Variants in SPIRE1 observed in about 807,000 individuals in gnomAD.
SPIRE1 encodes protein spire homolog 1.
A neutral mutation model predicts 94.1 loss-of-function variants in SPIRE1; 40 were observed. The observed-to-expected ratio is 0.43, with a 90% CI of 0.33 to 0.55. The LOEUF (loss-of-function observed/expected upper bound fraction) is 0.55, where lower values mean the gene tolerates loss of function less well. Among genes scored for constraint, SPIRE1 ranks in the 20% least tolerant of loss-of-function variants. The pLI is 0.06. For synonymous variants in SPIRE1, 376 were observed against 371.7 expected (o/e 1.01, Z -0.13); for missense variants, 838 against 975.2 (o/e 0.86, Z 1.87).
At position 12,450,833 on chromosome 18, in the gene SPIRE1, C is replaced by T. The variant is rs776406745; in HGVS notation, c.2013-937G>A. On this transcript the variant is annotated intron_variant, in intron 16 of 16. Transcript: ENST00000409402. ...CATGGCAAAAAAGCTGGGTGAGATG[C>T]GGAATAACTTAAATGACAGTGAAAA... 1.0e-4 allele frequency: 74 copies of T among 732,786 alleles called. No homozygotes were observed. In the African/African-American group the frequency reaches 1.1e-3, roughly 11 times the overall value. 45.4% of individuals were successfully genotyped at this position (732,786 alleles called of 1,614,324 possible).
intron 7 of SPIRE1, among the ~76,000 whole-genome samples, chr18:12,495,462 C>T (rs528991139): frequency 6.6e-6 from 1 of 152,132 alleles, no homozygotes; most frequent in Non-Finnish European, 1.5e-5. Context: ...ACAGGACTAT[C>T]CAGTAATATA....
At chr18:12,460,785 ATTCT>A (rs1337929720) in intron 12 of SPIRE1, among the ~76,000 whole-genome samples, 1 of 152,188 alleles carries the variant, frequency 6.6e-6, no homozygotes, top group African/African-American at 2.4e-5. Context: ...ATACAAAATG[ATTCT>A]TTGTTTTCTA....
chr18:12,517,979 T>C (rs893279352), intron 4 of SPIRE1, among the ~76,000 whole-genome samples: 7 of 152,192 alleles, frequency 4.6e-5, no homozygotes, highest in African/African-American at 9.7e-5. Flanking sequence ...AAATGCATTA[T>C]AATAAGGAAT....
intron 2 of SPIRE1, among the ~76,000 whole-genome samples, chr18:12,601,046 T>C (rs1355857692): frequency 6.6e-6 from 1 of 152,144 alleles, no homozygotes; most frequent in Non-Finnish European, 1.5e-5. Context: ...ATTCTGATGC[T>C]CAAGTATTTC....
intron 2 of SPIRE1, among the ~76,000 whole-genome samples, chr18:12,552,816 G>A (rs2035392372): frequency 6.6e-6 from 1 of 152,100 alleles, no homozygotes; most frequent in African/African-American, 2.4e-5. Context: ...CTTGAGACAG[G>A]AGTCTTGCCA....
rs1380339048 is a variant in SPIRE1 at position 12,449,870 on chromosome 18, T to A, written c.2039A>T (p.Asp680Val). The A allele has an allele frequency of 1.2e-6, 2 of 1,614,118 alleles. No individual in the cohort carries two copies. The highest frequency in any genetic ancestry group is 1.3e-5 in the African/African-American group (1 of 75,028). The change falls in exon 17 of 17, where the codon GAC becomes GTC. Residue 680 changes from aspartate (D) to valine (V), a missense_variant. Physicochemically the swap from Asp to Val is radical, Grantham distance 152. This residue lies in a region of SPIRE1 where 645 missense variants were observed against 804.7 expected (regional missense o/e 0.80). Coordinates refer to ENST00000409402, the MANE Select transcript of SPIRE1 (RefSeq NM_001128626.2). ...ARFSSKSKSMDKSDEELQFPK... is the reference protein window; with the variant it reads ...ARFSSKSKSMVKSDEELQFPK... ...AAACTGGAGTTCTTCATCTGATTTG[T>A]CCATAGACTTAGATTTTGAGGAGAA... is the stretch of plus-strand genomic sequence containing the variant.
rs571457451 is a variant in SPIRE1, at chr18:12,545,987, T to TTTA, written c.603+684_603+686dup. 5.1e-3 allele frequency among the ~76,000 whole-genome samples: 775 copies of TTTA among 151,968 alleles called. 6 individuals are homozygous for TTTA. The highest frequency in any genetic ancestry group is 0.015 in the South Asian group (72 of 4,816). On this transcript the variant is annotated intron_variant, in intron 3 of 16. Coordinates refer to ENST00000409402, the MANE Select transcript of SPIRE1 (RefSeq NM_001128626.2). ...ATTATTAAATGCCGAATCACCGTTC[T>TTTA]TTATTATTATTATTATTATTGAGAC...
At chr18:12,657,209 C>T (rs1272890648) in intron 1 of SPIRE1, among the ~76,000 whole-genome samples, 1 of 152,214 alleles carries the variant, frequency 6.6e-6, no homozygotes, top group African/African-American at 2.4e-5. Context: ...CCCACCGCTC[C>T]CAAACGCGCC....
chr18:12,657,391 C>T (rs2038577759), intron 1 of SPIRE1, 139 bp downstream of exon 1: 13 of 689,640 alleles, frequency 1.9e-5, no homozygotes, highest in Non-Finnish European at 2.6e-5. Flanking sequence ...CTGCGGGTCC[C>T]CGCCGGATCC....
chr18:12,547,936 C>CA (rs568589837), intron 2 of SPIRE1, among the ~76,000 whole-genome samples: 3,049 of 141,712 alleles, frequency 0.022, 99 homozygotes, highest in African/African-American at 0.068. Flanking sequence ...AACAAACAAA[C>CA]AACAACAACA....
Position 12,465,662 on chromosome 18 carries a change from T to C in SPIRE1, c.1405-704A>G, listed in dbSNP as rs140467762. Among the ~76,000 whole-genome samples the C allele has an allele frequency of 1.8e-3, 277 of 152,354 alleles. 1 individual carries two copies. The highest frequency in any genetic ancestry group is 6.4e-3 in the African/African-American group (267 of 41,586). ...ACATTGTCAGCCTCATGGGAGCAGA[T>C]GCTGGGTCTGTCTTGCTCACTGATG... is the stretch of plus-strand genomic sequence containing the variant. On this transcript the variant is annotated intron_variant, in intron 10 of 16. Transcript: ENST00000409402.
At chr18:12,565,369 T>C (rs549811917) in intron 2 of SPIRE1, among the ~76,000 whole-genome samples, 46 of 152,262 alleles carry the variant, frequency 3.0e-4, no homozygotes, top group African/African-American at 9.9e-4. Context: ...ATAAAAACTT[T>C]TCCTTTTTTT....
upstream of SPIRE1, chr18:12,661,289 CAA>C (rs766369902): frequency 3.7e-4 from 293 of 783,392 alleles, no homozygotes; most frequent in Admixed American, 5.0e-4. Flanking sequence ...GCCTGGGTGA[CAA>C]GAGTGAGCCT....
intron 1 of SPIRE1, 25 bp from the exon 2 acceptor site, chr18:12,635,121 C>T: frequency 7.9e-7 from 1 of 1,263,348 alleles, no homozygotes; most frequent in Non-Finnish European, 1.1e-6. Context: ...AAAAGGATTA[C>T]TTTAAAAAGA....
At chr18:12,581,296 T>A (rs773069015) in intron 2 of SPIRE1, among the ~76,000 whole-genome samples, 56 of 152,196 alleles carry the variant, frequency 3.7e-4, no homozygotes, top group Non-Finnish European at 5.6e-4. Flanking sequence ...CAAAATATTA[T>A]TACTATAGGA....
intron 2 of SPIRE1, among the ~76,000 whole-genome samples, chr18:12,556,298 G>GA (rs928110719): frequency 5.7e-4 from 85 of 148,286 alleles, no homozygotes; most frequent in East Asian, 2.2e-3. Flanking sequence ...CATAGAAATA[G>GA]AAAAAAAAAA....
Position 12,448,219 on chromosome 18 carries a change from TA to T in SPIRE1, c.*1418del, listed in dbSNP as rs2031038836. 1.3e-5 allele frequency: 2 copies of T among 152,638 alleles called. No homozygotes were observed. Among genetic ancestry groups the T allele is most frequent in the South Asian group, 4.1e-4 (2 of 4,830 alleles). The allele number at this position is 152,638 out of a possible 1,614,324, so 9.5% of individuals were successfully genotyped here. A position where few individuals can be genotyped will look rare whatever the true frequency, so the allele number is the denominator to read the frequency against. On this transcript the variant is annotated 3_prime_UTR_variant, in exon 17 of 17. Coordinates refer to ENST00000409402, the MANE Select transcript of SPIRE1 (RefSeq NM_001128626.2). The surrounding 1 kb of genome is among the most constrained non-coding windows in gnomAD (Gnocchi z 4.4). ...AACTACTACCGGAGCAGTTTTGAGGTATTACTGTTAATTTAGTATAGAAATG... is the reference window on the plus strand; with the variant it reads ...AACTACTACCGGAGCAGTTTTGAGGTTTACTGTTAATTTAGTATAGAAATG...
intron 2 of SPIRE1, among the ~76,000 whole-genome samples, chr18:12,609,210 C>G (rs566075548): frequency 6.6e-6 from 1 of 152,226 alleles, no homozygotes; most frequent in Admixed American, 6.5e-5. Flanking sequence ...GTCTGTGGCC[C>G]GGGGATTGCA....
chr18:12,467,988 T>C (rs1167794602), intron 10 of SPIRE1, among the ~76,000 whole-genome samples: 3 of 152,226 alleles, frequency 2.0e-5, no homozygotes, highest in African/African-American at 7.2e-5. Flanking sequence ...AAAGTCTAAT[T>C]TTACACGTTG....
Sources: allele counts gnomAD v4.1 joint callset (sites outside exome capture counted in the v4.1 genomes callset), GRCh38; gene constraint gnomAD v4.1.1; regional missense constraint gnomAD v4.1.1; non-coding constraint Gnocchi (gnomAD v3.1); transcripts MANE v1.5; gene names NCBI Gene and HGNC (gene_info 2026-07-23, HGNC 2026-07-21).